Variants in STARD9 observed in about 807,000 individuals in gnomAD.
STARD9 encodes the protein stAR-related lipid transfer protein 9.
A neutral mutation model predicts 399.8 loss-of-function variants in STARD9; 346 were observed. The ratio of observed to expected loss-of-function variants is 0.87; its 90% confidence interval spans 0.79 to 0.95. The LOEUF is 0.95. Ranked by LOEUF, STARD9 falls within the 40% of genes least tolerant of loss-of-function variation. The pLI is 0.00. For missense variants in STARD9, 5,832 were observed against 5,667.5 expected, an observed-to-expected ratio of 1.03 and a Z score of -0.93; for synonymous variants, 2,203 against 2,143.5, an observed-to-expected ratio of 1.03 and a Z score of -0.77.
At chr15:42,683,969 C>T (rs1267406737) in intron 22 of STARD9, 147 bp from the exon 23 acceptor site, 3 of 809,400 alleles carry the variant, frequency 3.7e-6, no homozygotes. Flanking sequence ...GGACTAGAGT[C>T]CACAATTTCC....
At chr15:42,656,290 T>C (rs1448123430) in intron 9 of STARD9, among the ~76,000 whole-genome samples, 6 of 121,164 alleles carry the variant, frequency 5.0e-5, no homozygotes. Flanking sequence ...GAGGTTGCAG[T>C]GAGCCGAGAT....
intron 26 of STARD9, among the ~76,000 whole-genome samples, chr15:42,701,819 C>T (rs2060970325): frequency 6.6e-6 from 1 of 151,716 alleles, no homozygotes; most frequent in Non-Finnish European, 1.5e-5. Flanking sequence ...ATAGTGAAAC[C>T]CCATCTCTAC....
At position 42,687,098 on chromosome 15, in the gene STARD9, A is replaced by G; in HGVS notation, c.5520A>G (p.Thr1840=). The G allele has an allele frequency of 6.5e-7, 1 of 1,537,292 alleles. No individual in the cohort carries two copies. The highest frequency in any genetic ancestry group is 8.7e-7 in the Non-Finnish European group (1 of 1,146,930). The change falls in exon 23 of 33, where the codon ACA becomes ACG. Residue 1840 remains threonine (T), a synonymous_variant. Coordinates refer to ENST00000290607, the MANE Select transcript of STARD9 (RefSeq NM_020759.3). The part of the protein sequence containing the change: ...RESGKCPGNI[T]EESHDSVYSS... Reference sequence around the variant, plus strand: ...CAGGTAAATGCCCTGGAAATATTACAGAAGAAAGCCATGATTCAGTTTATT... The same window carrying G: ...CAGGTAAATGCCCTGGAAATATTACGGAAGAAAGCCATGATTCAGTTTATT...
chr15:42,669,483 G>A lies in STARD9; in HGVS notation c.1497+146G>A, dbSNP rs16957002. 7.7e-3 allele frequency: 4,881 copies of A among 630,208 alleles called. 195 individuals are homozygous for A. In the African/African-American group the frequency reaches 0.08, roughly 10 times the overall value. The allele number at this position is 630,208 out of a possible 1,614,324, so 39.0% of individuals were successfully genotyped here. A position where few individuals can be genotyped will look rare whatever the true frequency, so the allele number is the denominator to read the frequency against. On this transcript the variant is annotated intron_variant, in intron 16 of 32. Transcript: ENST00000290607. ...GCCTTCAGGTTTGCTCTCAGGAAAC[G>A]TCTACCTGACAAATTGTGATCTGTT...
At chr15:42,679,072 A>AG (rs1158171301) in intron 20 of STARD9, among the ~76,000 whole-genome samples, 1 of 152,206 alleles carries the variant, frequency 6.6e-6, no homozygotes, top group East Asian at 1.9e-4. Flanking sequence ...CTGAAGGTTG[A>AG]GGAGAAAGCC....
intron 26 of STARD9, among the ~76,000 whole-genome samples, chr15:42,712,797 G>T (rs1878707944): frequency 6.6e-6 from 1 of 152,180 alleles, no homozygotes; most frequent in Admixed American, 6.5e-5. Context: ...CGCCCAAAGT[G>T]CTAGGATGAC....
chr15:42,582,088 A>C (rs1039971955), intron 1 of STARD9, among the ~76,000 whole-genome samples: 1 of 152,210 alleles, frequency 6.6e-6, no homozygotes, highest in African/African-American at 2.4e-5. Context: ...GCAGTGAGCT[A>C]TGATTGCACC....
rs778854540 is a variant in STARD9 at position 42,689,781 on chromosome 15, G to T, written c.8203G>T (p.Val2735Leu). 3 of 1,537,532 alleles carry T rather than the reference G, an allele frequency of 2.0e-6. No homozygotes were observed. Among genetic ancestry groups the T allele is most frequent in the South Asian group, 2.4e-5 (2 of 84,068 alleles). The change falls in exon 23 of 33, where the codon GTA (valine) becomes TTA (leucine). Residue 2735 changes from valine (V) to leucine (L), a missense_variant. Coordinates refer to ENST00000290607, the MANE Select transcript of STARD9 (RefSeq NM_020759.3). ...AGCACCTGTGGAGGAGGTCAGGAGGGTAGTATCAAAGAAGGTAGTGGCTGC... is the reference window on the plus strand; with the variant it reads ...AGCACCTGTGGAGGAGGTCAGGAGGTTAGTATCAAAGAAGGTAGTGGCTGC... ...SSAPVEEVRR[V>L]VSKKVVAALP...
chr15:42,688,879 A>T lies in STARD9; in HGVS notation c.7301A>T (p.Asp2434Val). Residue 2434 changes from aspartate (D) to valine (V), a missense_variant, in exon 23 of 33, where the codon GAC becomes GTC. Physicochemically the swap from Asp to Val is radical, Grantham distance 152 (BLOSUM62 -3). Around this residue, in one of 2 missense-constraint regions of STARD9, gnomAD observed 5,828 missense variants for 5,651.1 expected, o/e 1.03. Transcript: ENST00000290607. Reference protein sequence around the residue: ...VPESIPLGTEDRISASTSPQD... With the variant: ...VPESIPLGTEVRISASTSPQD... ...GAGAGCATTCCTCTGGGGACAGAGGACAGGATCTCAGCAAGCACCAGCCCC... is the reference window on the plus strand; with the variant it reads ...GAGAGCATTCCTCTGGGGACAGAGGTCAGGATCTCAGCAAGCACCAGCCCC... The T allele has an allele frequency of 6.5e-7, 1 of 1,537,298 alleles. No homozygotes were observed. Among genetic ancestry groups the T allele is most frequent in the African/African-American group, 1.4e-5 (1 of 73,158 alleles).
chr15:42,583,256 G>A lies in STARD9; in HGVS notation c.48-90G>A, dbSNP rs1343914549. 7.6e-6 allele frequency: 7 copies of A among 918,184 alleles called. No individual in the cohort carries two copies. The South Asian group carries it at 7.9e-5, about 10-fold the overall frequency. The allele number at this position is 918,184 out of a possible 1,614,324, so 56.9% of individuals were successfully genotyped here. A position where few individuals can be genotyped will look rare whatever the true frequency, so the allele number is the denominator to read the frequency against. Reference sequence around the variant, plus strand: ...CTTCTCTTAAGGGTACAGCAGTAGGGAAATATTTTGTCCCACTAGCACTGG... The same window carrying A: ...CTTCTCTTAAGGGTACAGCAGTAGGAAAATATTTTGTCCCACTAGCACTGG... On this transcript the variant is annotated intron_variant, in intron 1 of 32. Transcript: ENST00000290607.
intron 3 of STARD9, among the ~76,000 whole-genome samples, chr15:42,617,389 T>TAAAAAAAA (rs1224791970): frequency 1.3e-5 from 2 of 152,008 alleles, no homozygotes; most frequent in Non-Finnish European, 2.9e-5. Context: ...GGAGACAGAG[T>TAAAAAAAA]TTTGCTCTTC....
chr15:42,693,786 C>T lies in STARD9; in HGVS notation c.12208C>T (p.Gln4070Ter). The part of the protein sequence containing the change: ...GESSASPGEP[Q>*]RTLDRPSSWG... The stretch of plus-strand genomic sequence containing the variant: ...GAGTTCAGCATCTCCAGGGGAACCA[C>T]AACGCACTCTGGACCGACCTTCTTC... Residue 4070 changes from glutamine (Q) to a stop codon, truncating the protein, a stop_gained, in exon 23 of 33, where the codon CAA becomes TAA. Coordinates refer to ENST00000290607, the MANE Select transcript of STARD9 (RefSeq NM_020759.3). LOFTEE classifies it high-confidence loss of function. 6.5e-7 allele frequency: 1 copy of T among 1,536,258 alleles called. No individual in the cohort carries two copies. The highest frequency in any genetic ancestry group is 8.7e-7 in the Non-Finnish European group (1 of 1,146,554).
chr15:42,686,009 C>T lies in STARD9; in HGVS notation c.4431C>T (p.Gly1477=). 1 of 1,537,320 alleles carries T rather than the reference C, an allele frequency of 6.5e-7. No homozygotes were observed. The highest frequency in any genetic ancestry group is 8.7e-7 in the Non-Finnish European group (1 of 1,146,918). ...AASATTLTHV[G]STHERDWSAL... ...CTGCCACCACCTTGACTCATGTAGG[C>T]AGCACCCATGAAAGGGATTGGTCTG... is the stretch of plus-strand genomic sequence containing the variant. Residue 1477 remains glycine (G), a synonymous_variant, in exon 23 of 33, where the codon GGC becomes GGT. Transcript: ENST00000290607.
intron 26 of STARD9, among the ~76,000 whole-genome samples, chr15:42,711,209 G>A (rs998927961): frequency 1.3e-5 from 2 of 150,176 alleles, no homozygotes; most frequent in Admixed American, 1.3e-4. Context: ...GCACGATCTC[G>A]GCTCACTGCA....
chr15:42,715,114 G>A (rs1300803317), intron 26 of STARD9, among the ~76,000 whole-genome samples: 4 of 152,036 alleles, frequency 2.6e-5, no homozygotes, highest in African/African-American at 4.8e-5. Flanking sequence ...ATGAGAAGCC[G>A]GGGCCTCTGG....
intron 20 of STARD9, among the ~76,000 whole-genome samples, chr15:42,679,212 A>G (rs1349103839): frequency 1.3e-5 from 2 of 152,206 alleles, no homozygotes; most frequent in African/African-American, 4.8e-5. Context: ...AGCCATTTCT[A>G]TAGTCAGACA....
Position 42,691,785 on chromosome 15 carries a change from G to A in STARD9, c.10207G>A (p.Ala3403Thr). The change falls in exon 23 of 33, where the codon GCC (alanine) becomes ACC (threonine). Residue 3403 changes from alanine (A) to threonine (T), a missense_variant. Coordinates refer to ENST00000290607, the MANE Select transcript of STARD9 (RefSeq NM_020759.3). ...GTTDHRHLKPATPPYPMPSTL... is the reference protein window; with the variant it reads ...GTTDHRHLKPTTPPYPMPSTL... ...TACCGATCACAGGCACCTGAAGCCT[G>A]CCACCCCTCCTTATCCAATGCCTTC... The A allele has an allele frequency of 6.5e-7, 1 of 1,537,232 alleles. No homozygotes were observed. Among genetic ancestry groups the A allele is most frequent in the Non-Finnish European group, 8.7e-7 (1 of 1,146,900 alleles).
rs1340440811 is a variant in STARD9, at chr15:42,581,274, G to GGT, written c.48-2070_48-2069dup. 12 of 953,998 alleles carry GGT rather than the reference G, an allele frequency of 1.3e-5. No individual in the cohort carries two copies. In the African/African-American group the frequency reaches 1.9e-4, roughly 15 times the overall value. 59.1% of individuals were successfully genotyped at this position (953,998 alleles called of 1,614,324 possible). On this transcript the variant is annotated intron_variant, in intron 1 of 32. Transcript: ENST00000290607. ...CTCCCGGGATATTGGGCAGATGGCA[G>GGT]GTGGGGTCTGAGCCATGGAAGAACT...
In STARD9 at chr15:42,692,518, G is replaced by A. The variant is rs1291071692; in HGVS notation, c.10940G>A (p.Ser3647Asn). 1 of 1,537,182 alleles carries A rather than the reference G, an allele frequency of 6.5e-7. No individual in the cohort carries two copies. Among genetic ancestry groups the A allele is most frequent in the Non-Finnish European group, 8.7e-7 (1 of 1,146,904 alleles). Reference protein sequence around the residue: ...TFEQGTQTLGSRRHWSSTDIS... With the variant: ...TFEQGTQTLGNRRHWSSTDIS... ...GAACAGGGCACACAGACCCTCGGCA[G>A]CAGGCGCCACTGGAGCAGCACTGAC... Residue 3647 changes from serine (S) to asparagine (N), a missense_variant, in exon 23 of 33, where the codon AGC becomes AAC. Transcript: ENST00000290607.
Sources: gnomAD v4.1 joint callset for allele counts (sites outside exome capture counted in the v4.1 genomes callset) on GRCh38, gnomAD v4.1.1 for gene constraint, gnomAD v4.1.1 regional missense constraint, MANE v1.5 for transcripts, NCBI Gene and HGNC (gene_info 2026-07-23, HGNC 2026-07-21) for gene names.